ARPC5: variants seen among roughly 807,000 people sequenced by gnomAD.
The protein encoded by ARPC5 is actin related protein 2/3 complex subunit 5, also known as actin-related protein 2/3 complex subunit 5.
In ARPC5, 5 loss-of-function variants were observed where a neutral mutation model predicts 15.4. That is an observed-to-expected ratio of 0.32 (90% CI 0.17 to 0.68). ARPC5 has a LOEUF of 0.68. ARPC5 is among the 30% of genes least tolerant of loss of function. ARPC5 has a pLI of 0.71. For synonymous variants in ARPC5, 85 were observed against 72.2 expected, an observed-to-expected ratio of 1.18 and a Z score of -0.90; for missense variants, 138 against 192.8, an observed-to-expected ratio of 0.72 and a Z score of 1.68.
chr1:183,627,498 C>G lies in ARPC5; in HGVS notation c.*34G>C. The G allele has an allele frequency of 2.5e-6, 4 of 1,601,586 alleles. No individual in the cohort carries two copies. The highest frequency in any genetic ancestry group is 3.4e-6 in the Non-Finnish European group (4 of 1,168,686). On this transcript the variant is annotated 3_prime_UTR_variant, in exon 4 of 4. Coordinates refer to ENST00000359856, the MANE Select transcript of ARPC5 (RefSeq NM_005717.4). ...TTTTGGTCTTTGTACCAGCAATTCC[C>G]ACTCCCGAGGCAGATAATCCACTTC...
chr1:183,632,577 A>T (rs1649298044), intron 2 of ARPC5: 1 of 152,390 alleles, frequency 6.6e-6, no homozygotes, highest in Non-Finnish European at 1.5e-5. Context: ...AGCACGTTAT[A>T]AAATTTCATT....
At position 183,622,130 on chromosome 1, in the gene ARPC5, G is replaced by A. The variant is rs1648956632; in HGVS notation, c.*5402C>T. 1 of 152,130 alleles carries A rather than the reference G, an allele frequency of 6.6e-6. No individual in the cohort carries two copies. Among genetic ancestry groups the A allele is most frequent in the Non-Finnish European group, 1.5e-5 (1 of 68,012 alleles). 9.4% of individuals were successfully genotyped at this position (152,130 alleles called of 1,614,324 possible). A position where few individuals can be genotyped will look rare whatever the true frequency, so the allele number is the denominator to read the frequency against. On this transcript the variant is annotated 3_prime_UTR_variant, in exon 4 of 4. Coordinates refer to ENST00000359856, the MANE Select transcript of ARPC5 (RefSeq NM_005717.4). Reference sequence around the variant, plus strand: ...TATGTTAGTATTTATGTACACAAAGGGGTAAAATCTTATATAGGTATTTGC... The same window carrying A: ...TATGTTAGTATTTATGTACACAAAGAGGTAAAATCTTATATAGGTATTTGC...
chr1:183,632,287 T>C (rs1649289733), intron 2 of ARPC5: 1 of 152,160 alleles, frequency 6.6e-6, no homozygotes, highest in African/African-American at 2.4e-5. Flanking sequence ...TGCACAACTG[T>C]TCTGAAGGGC....
chr1:183,631,702 A>T (rs1432894961), intron 2 of ARPC5: 1 of 152,228 alleles, frequency 6.6e-6, no homozygotes, highest in Non-Finnish European at 1.5e-5. Context: ...AATTTTAATA[A>T]ACCAAGCTGT....
At position 183,625,386 on chromosome 1, in the gene ARPC5, C is replaced by G. The variant is rs1649067428; in HGVS notation, c.*2146G>C. ...AGTAAAGCTGATAGACTGGCAGATT[C>G]TAAATACACCCACCCATTCTTGTGA... On this transcript the variant is annotated 3_prime_UTR_variant, in exon 4 of 4. Coordinates refer to ENST00000359856, the MANE Select transcript of ARPC5 (RefSeq NM_005717.4). 6.6e-6 allele frequency: 1 copy of G among 152,212 alleles called. No homozygotes were observed. The highest frequency in any genetic ancestry group is 6.5e-5 in the Admixed American group (1 of 15,290). 9.4% of individuals were successfully genotyped at this position (152,212 alleles called of 1,614,324 possible). A position where few individuals can be genotyped will look rare whatever the true frequency, so the allele number is the denominator to read the frequency against.
intron 2 of ARPC5, 151 bp downstream of exon 2, chr1:183,632,931 C>G (rs1005440911): frequency 3.4e-6 from 2 of 581,912 alleles, no homozygotes; most frequent in Admixed American, 3.7e-5. Context: ...TATTTTTTCA[C>G]GTGAAATTTT....
chr1:183,633,294 T>C (rs970829965), intron 1 of ARPC5, 140 bp from the exon 2 acceptor site: 25 of 572,516 alleles, frequency 4.4e-5, no homozygotes, highest in Non-Finnish European at 5.4e-5. Context: ...AATGTGTTGG[T>C]TTCCAGGATG....
rs1649306048 is a variant in ARPC5, at chr1:183,632,894, A to T, written c.216+188T>A. On this transcript the variant is annotated intron_variant, in intron 2 of 3. Transcript: ENST00000359856. ...TTGAACTTACTGTATCTTACCATGC[A>T]GCATTATCATAACTACATTATAGGG... 1.5e-5 allele frequency: 7 copies of T among 461,250 alleles called. No homozygotes were observed. In the South Asian group the frequency reaches 2.3e-4, roughly 15 times the overall value. 28.6% of individuals were successfully genotyped at this position (461,250 alleles called of 1,614,324 possible). A position where few individuals can be genotyped will look rare whatever the true frequency, so the allele number is the denominator to read the frequency against.
intron 2 of ARPC5, chr1:183,631,446 G>GGTGT (rs1466968469): frequency 6.6e-6 from 1 of 151,960 alleles, no homozygotes; most frequent in Non-Finnish European, 1.5e-5. Context: ...CAGGCATGGT[G>GGTGT]GTGTGTGCCT....
intron 3 of ARPC5, 91 bp from the exon 4 acceptor site, chr1:183,627,685 C>T: frequency 1.0e-6 from 1 of 985,774 alleles, no homozygotes; most frequent in Non-Finnish European, 1.6e-6. Context: ...AAGGAATGGG[C>T]ACTGCTATAG....
rs1215192812 is a variant in ARPC5 at position 183,624,650 on chromosome 1, C to T, written c.*2882G>A. The T allele has an allele frequency of 6.6e-6, 1 of 152,198 alleles. No homozygotes were observed. Among genetic ancestry groups the T allele is most frequent in the Non-Finnish European group, 1.5e-5 (1 of 68,040 alleles). The allele number at this position is 152,198 out of a possible 1,614,324, so 9.4% of individuals were successfully genotyped here. The stretch of plus-strand genomic sequence containing the variant: ...CTTGGACCGTTTGTCCTTTCTGCCC[C>T]TCCAAAGGATTAGTTCAAATTAATG... On this transcript the variant is annotated 3_prime_UTR_variant, in exon 4 of 4. Coordinates refer to ENST00000359856, the MANE Select transcript of ARPC5 (RefSeq NM_005717.4).
rs1268871892 is a variant in ARPC5 at position 183,627,624 on chromosome 1, C to T, written c.394-30G>A. Reference sequence around the variant, plus strand: ...AAACAAACCAAGATGTAAATGTTGACAGAATAATAAAAGGTCAATTCTCAT... The same window carrying T: ...AAACAAACCAAGATGTAAATGTTGATAGAATAATAAAAGGTCAATTCTCAT... On this transcript the variant is annotated intron_variant, in intron 3 of 3. Transcript: ENST00000359856. The T allele has an allele frequency of 2.5e-6, 4 of 1,575,470 alleles. No individual in the cohort carries two copies. The South Asian group carries it at 4.4e-5, about 17-fold the overall frequency.
rs182973622 is a variant in ARPC5 at position 183,634,704 on chromosome 1, C to T, written c.143+813G>A. ...ATGATTCTGCTTTATACGAATGACTCATCTTCTATCTTATTCATTGGGGTT... is the reference window on the plus strand; with the variant it reads ...ATGATTCTGCTTTATACGAATGACTTATCTTCTATCTTATTCATTGGGGTT... On this transcript the variant is annotated intron_variant, in intron 1 of 3. Coordinates refer to ENST00000359856, the MANE Select transcript of ARPC5 (RefSeq NM_005717.4). Among the ~76,000 whole-genome samples the T allele has an allele frequency of 1.2e-4, 19 of 152,276 alleles. No individual in the cohort carries two copies. The East Asian group carries it at 3.7e-3, about 29-fold the overall frequency.
rs1473412124 is a variant in ARPC5, at chr1:183,623,477, C to T, written c.*4055G>A. On this transcript the variant is annotated 3_prime_UTR_variant, in exon 4 of 4. Coordinates refer to ENST00000359856, the MANE Select transcript of ARPC5 (RefSeq NM_005717.4). ...TGGAATCATACAAGAGGCACCTGCA[C>T]AGAACGTTTTCACATTGGGGTTTTC... is the stretch of plus-strand genomic sequence containing the variant. The T allele has an allele frequency of 1.3e-6, 2 of 1,550,130 alleles. No homozygotes were observed. Among genetic ancestry groups the T allele is most frequent in the Non-Finnish European group, 1.7e-6 (2 of 1,146,860 alleles).
At chr1:183,635,166 C>A (rs1020289815) in intron 1 of ARPC5, among the ~76,000 whole-genome samples, 1 of 152,250 alleles carries the variant, frequency 6.6e-6, no homozygotes, top group African/African-American at 2.4e-5. Flanking sequence ...CACCAGCCTT[C>A]CCCACCAGCC....
At chr1:183,635,176 C>T (rs1465649114) in intron 1 of ARPC5, among the ~76,000 whole-genome samples, 1 of 152,234 alleles carries the variant, frequency 6.6e-6, no homozygotes, top group Non-Finnish European at 1.5e-5. Context: ...CCCCACCAGC[C>T]GGGGCCGCCT....
rs148322171 is a variant in ARPC5, at chr1:183,621,406, A to G, written c.*6126T>C. ...AATCAATAGGGAAATGGTTAAGTAA[A>G]TTATGGTACATTTATTTATATAATA... On this transcript the variant is annotated 3_prime_UTR_variant, in exon 4 of 4. Transcript: ENST00000359856. 1.6e-4 allele frequency: 25 copies of G among 152,386 alleles called. 1 individual carries two copies. Among genetic ancestry groups the G allele is most frequent in the African/African-American group, 5.5e-4 (23 of 41,602 alleles). 9.4% of individuals were successfully genotyped at this position (152,386 alleles called of 1,614,324 possible). A position where few individuals can be genotyped will look rare whatever the true frequency, so the allele number is the denominator to read the frequency against.
At chr1:183,632,183 T>G (rs1649285703) in intron 2 of ARPC5, 1 of 152,218 alleles carries the variant, frequency 6.6e-6, no homozygotes, top group African/African-American at 2.4e-5. Context: ...GATGTATGAA[T>G]AGCTATGGAC....
In ARPC5 at chr1:183,623,613, G is replaced by A; in HGVS notation, c.*3919C>T. On this transcript the variant is annotated 3_prime_UTR_variant, in exon 4 of 4. Coordinates refer to ENST00000359856, the MANE Select transcript of ARPC5 (RefSeq NM_005717.4). Reference sequence around the variant, plus strand: ...GTTTAAGGGCACTTGGTTCTACAGAGGCCGTTGGTCTGTTCCTTAATTGGG... The same window carrying A: ...GTTTAAGGGCACTTGGTTCTACAGAAGCCGTTGGTCTGTTCCTTAATTGGG... The A allele has an allele frequency of 1.7e-6, 2 of 1,170,482 alleles. No homozygotes were observed. Among genetic ancestry groups the A allele is most frequent in the South Asian group, 2.7e-5 (2 of 73,988 alleles). 72.5% of individuals were successfully genotyped at this position (1,170,482 alleles called of 1,614,324 possible).
Sources: gnomAD v4.1 joint callset for allele counts (sites outside exome capture counted in the v4.1 genomes callset) on GRCh38, gnomAD v4.1.1 for gene constraint, MANE v1.5 for transcripts, NCBI Gene and HGNC (gene_info 2026-07-23, HGNC 2026-07-21) for gene names.